Variants in PRKN observed in about 807,000 individuals in gnomAD.
PRKN encodes parkin RBR E3 ubiquitin protein ligase, also known as E3 ubiquitin-protein ligase parkin.
Under a neutral mutation model 59.5 loss-of-function variants are expected in PRKN, and 56 were observed. The observed-to-expected ratio is 0.94, with a 90% CI of 0.76 to 1.18. The LOEUF (loss-of-function observed/expected upper bound fraction) is 1.18, where lower values mean the gene tolerates loss of function less well. Ranked by LOEUF, PRKN falls within the 50% of genes most tolerant of loss-of-function variation. The pLI is 0.00. For synonymous variants in PRKN, 250 were observed against 222.1 expected, an observed-to-expected ratio of 1.13 and a Z score of -1.12; for missense variants, 657 against 596.4, an observed-to-expected ratio of 1.10 and a Z score of -1.06.
Position 161,770,230 on chromosome 6 carries a change from C to T in PRKN, c.871+15542G>A, listed in dbSNP as rs368754770. On this transcript the variant is annotated intron_variant, in intron 7 of 11. Transcript: ENST00000366898. Reference sequence around the variant, plus strand: ...CTTTTGGGAAGGCTGGAGGACAAGGCGTGTCTTAGGAACACCCAGTAGCTT... The same window carrying T: ...CTTTTGGGAAGGCTGGAGGACAAGGTGTGTCTTAGGAACACCCAGTAGCTT... 1.7e-3 allele frequency among the ~76,000 whole-genome samples: 254 copies of T among 152,178 alleles called. 1 individual carries two copies. Among genetic ancestry groups the T allele is most frequent in the African/African-American group, 5.9e-3 (247 of 41,540 alleles).
chr6:161,853,625 A>G (rs1793523897), intron 6 of PRKN, among the ~76,000 whole-genome samples: 1 of 152,228 alleles, frequency 6.6e-6, no homozygotes, highest in Non-Finnish European at 1.5e-5. Flanking sequence ...GCAAAGGTAA[A>G]ATTACTTCGA....
rs990815632 is a variant in PRKN, at chr6:161,554,090, A to G, written c.934-5087T>C. Among the ~76,000 whole-genome samples the G allele has an allele frequency of 6.6e-6, 1 of 152,196 alleles. No homozygotes were observed. Among genetic ancestry groups the G allele is most frequent in the Non-Finnish European group, 1.5e-5 (1 of 68,028 alleles). Reference sequence around the variant, plus strand: ...GAAGGACAGGTATCTCAGAACTACAAGGTTTTTACTTAACATTTTCTGTTT... The same window carrying G: ...GAAGGACAGGTATCTCAGAACTACAGGGTTTTTACTTAACATTTTCTGTTT... On this transcript the variant is annotated intron_variant, in intron 8 of 11. Transcript: ENST00000366898. This position sits in a 1 kb window ranked among gnomAD's most constrained non-coding sequence, Gnocchi z 4.5.
intron 3 of PRKN, among the ~76,000 whole-genome samples, chr6:162,228,485 C>T (rs941432009): frequency 6.6e-6 from 1 of 151,986 alleles, no homozygotes; most frequent in African/African-American, 2.4e-5. Flanking sequence ...AATGTGAATG[C>T]TCATTTAAAA....
intron 5 of PRKN, among the ~76,000 whole-genome samples, chr6:162,049,870 G>GC (rs1777559874): frequency 6.6e-6 from 1 of 152,054 alleles, no homozygotes; most frequent in Non-Finnish European, 1.5e-5. Context: ...GGTACGAATC[G>GC]GACGCGTCCT....
At chr6:161,964,104 T>C (rs982706231) in intron 6 of PRKN, among the ~76,000 whole-genome samples, 5 of 152,082 alleles carry the variant, frequency 3.3e-5, no homozygotes, top group Admixed American at 6.5e-5. Context: ...GCCAGGACCA[T>C]GCAGGTTGGA....
rs114181052 is a variant in PRKN at position 162,540,305 on chromosome 6, C to A, written c.8-96832G>T. 9.8e-3 allele frequency among the ~76,000 whole-genome samples: 1,486 copies of A among 152,218 alleles called. 24 individuals carry two copies. Among genetic ancestry groups the A allele is most frequent in the African/African-American group, 0.034 (1,418 of 41,550 alleles). The stretch of plus-strand genomic sequence containing the variant: ...AGTGCAATGGTGTGATCTCAGCTCG[C>A]TGCAATCTCTGCCTCACGGGTTCAA... On this transcript the variant is annotated intron_variant, in intron 1 of 11. Coordinates refer to ENST00000366898, the MANE Select transcript of PRKN (RefSeq NM_004562.3).
Position 161,525,275 on chromosome 6 carries a change from T to G in PRKN, c.1083+23579A>C, listed in dbSNP as rs1270251732. Among the ~76,000 whole-genome samples, 6 of 152,226 alleles carry G rather than the reference T, an allele frequency of 3.9e-5. No homozygotes were observed. The South Asian group carries it at 6.2e-4, about 16-fold the overall frequency. ...ACACTAAAAATTTGCTCTGTAGAGTTGCAAGCCTCAGAAAGTTTAGGAGTG... is the reference window on the plus strand; with the variant it reads ...ACACTAAAAATTTGCTCTGTAGAGTGGCAAGCCTCAGAAAGTTTAGGAGTG... On this transcript the variant is annotated intron_variant, in intron 9 of 11. Transcript: ENST00000366898. The surrounding 1 kb of genome is among the most constrained non-coding windows in gnomAD (Gnocchi z 4.7).
intron 1 of PRKN, among the ~76,000 whole-genome samples, chr6:162,628,460 A>G (rs1040564971): frequency 6.6e-6 from 1 of 152,164 alleles, no homozygotes; most frequent in Non-Finnish European, 1.5e-5. Flanking sequence ...AATATTACCA[A>G]TAAGTAGGTA....
chr6:161,365,185 A>T (rs1785151718), intron 10 of PRKN, among the ~76,000 whole-genome samples: 1 of 152,228 alleles, frequency 6.6e-6, no homozygotes, highest in African/African-American at 2.4e-5. Context: ...AACTATAGAA[A>T]TGTAGAATGT....
Position 161,553,649 on chromosome 6 carries a change from T to C in PRKN, c.934-4646A>G, listed in dbSNP as rs188413657. 6.0e-3 allele frequency among the ~76,000 whole-genome samples: 918 copies of C among 152,354 alleles called. 8 individuals are homozygous for C. The highest frequency in any genetic ancestry group is 0.011 in the Non-Finnish European group (770 of 68,030). ...TCATTTATTAGTTAGAATACTTCTATTTTTTGGTTATCCAGTGGTATTGTA... is the reference window on the plus strand; with the variant it reads ...TCATTTATTAGTTAGAATACTTCTACTTTTTGGTTATCCAGTGGTATTGTA... On this transcript the variant is annotated intron_variant, in intron 8 of 11. Transcript: ENST00000366898.
At chr6:162,058,957 GAAAAAAA>G (rs553927046) in intron 4 of PRKN, among the ~76,000 whole-genome samples, 1 of 87,292 alleles carries the variant, frequency 1.1e-5, no homozygotes, top group Non-Finnish European at 2.5e-5. Flanking sequence ...GCCTCAACAA[GAAAAAAA>G]AAAAAAAAAA....
intron 2 of PRKN, among the ~76,000 whole-genome samples, chr6:162,363,131 CAAAAAAAAAAAAAAAA>C (rs34722234): frequency 2.0e-5 from 2 of 98,390 alleles, no homozygotes; most frequent in Admixed American, 2.3e-4. Context: ...CCTTCTCAAA[CAAAAAAAAAAAAAAAA>C]AAAAAAAAAA....
At chr6:162,253,075 T>C (rs1177792815) in intron 3 of PRKN, among the ~76,000 whole-genome samples, 1 of 152,196 alleles carries the variant, frequency 6.6e-6, no homozygotes, top group African/African-American at 2.4e-5. Flanking sequence ...GACGCTGTTG[T>C]CTACAGTAAC....
intron 1 of PRKN, among the ~76,000 whole-genome samples, chr6:162,457,736 A>T (rs1467260315): frequency 1.3e-5 from 2 of 148,342 alleles, no homozygotes; most frequent in East Asian, 4.3e-4. Flanking sequence ...CTTATTAATA[A>T]TGATGAAGTA....
chr6:162,519,378 C>A (rs1411700392), intron 1 of PRKN, among the ~76,000 whole-genome samples: 1 of 152,210 alleles, frequency 6.6e-6, no homozygotes, highest in Admixed American at 6.5e-5. Context: ...GCATTCAGGG[C>A]TCTGGGCCAG....
intron 5 of PRKN, among the ~76,000 whole-genome samples, chr6:161,995,587 G>A (rs778047922): frequency 6.5e-4 from 99 of 151,924 alleles, no homozygotes; most frequent in Non-Finnish European, 1.3e-3. Flanking sequence ...CCATCAAAAA[G>A]TGAGCAAAAG....
At chr6:162,424,474 G>A (rs993707708) in intron 2 of PRKN, among the ~76,000 whole-genome samples, 8 of 152,064 alleles carry the variant, frequency 5.3e-5, no homozygotes, top group Non-Finnish European at 1.0e-4. Context: ...GGTGGCTCAC[G>A]CTTGTAATCC....
intron 4 of PRKN, among the ~76,000 whole-genome samples, chr6:162,145,146 A>G (rs567980945): frequency 6.6e-6 from 1 of 152,338 alleles, no homozygotes; most frequent in African/African-American, 2.4e-5. Context: ...GATGATGGGT[A>G]AAAATAACCT....
chr6:162,725,898 T>A (rs1415794566), intron 1 of PRKN, among the ~76,000 whole-genome samples: 1 of 152,192 alleles, frequency 6.6e-6, no homozygotes, highest in African/African-American at 2.4e-5. Context: ...AGGCATGGAT[T>A]TAATCATTTA....
Sources: allele counts gnomAD v4.1 joint callset (sites outside exome capture counted in the v4.1 genomes callset), GRCh38; gene constraint gnomAD v4.1.1; non-coding constraint Gnocchi (gnomAD v3.1); transcripts MANE v1.5; gene names NCBI Gene and HGNC (gene_info 2026-07-23, HGNC 2026-07-21).